PAK1: variants seen among roughly 807,000 people sequenced by gnomAD.
PAK1 encodes the protein p21 (RAC1) activated kinase 1.
In PAK1, 29 loss-of-function variants were observed where a neutral mutation model predicts 67.4. The observed-to-expected ratio is 0.43, with a 90% CI of 0.32 to 0.59. The LOEUF (loss-of-function observed/expected upper bound fraction) is 0.59. PAK1 is among the 20% of genes least tolerant of loss of function. The pLI, the probability that PAK1 is intolerant of heterozygous loss-of-function variation, is 0.07. For missense variants in PAK1, 337 were observed against 670.7 expected (o/e 0.50, Z 5.50); for synonymous variants, 223 against 237.4 (o/e 0.94, Z 0.56).
the PAK1 span, among the ~76,000 whole-genome samples, chr11:77,482,244 T>C: frequency 6.6e-6 from 1 of 151,746 alleles, no homozygotes; most frequent in Non-Finnish European, 1.5e-5. Flanking sequence ...CAGCCTCAGC[T>C]TCCCAAAGTG....
chr11:77,503,418 C>T, the PAK1 span, among the ~76,000 whole-genome samples: 2 of 152,314 alleles, frequency 1.3e-5, no homozygotes, highest in South Asian at 2.1e-4. Flanking sequence ...GGGTTGGTGG[C>T]GGTTCAAGTG....
chr11:77,382,056 T>C (rs1051456050), intron 2 of PAK1, among the ~76,000 whole-genome samples: 1 of 152,202 alleles, frequency 6.6e-6, no homozygotes, highest in Non-Finnish European at 1.5e-5. Flanking sequence ...TCTAGTCACT[T>C]AGGGAAGTAC....
At chr11:77,375,794 C>A (rs1415472204) in intron 4 of PAK1, among the ~76,000 whole-genome samples, 1 of 152,154 alleles carries the variant, frequency 6.6e-6, no homozygotes, top group African/African-American at 2.4e-5. Context: ...CAATTCACCA[C>A]TAATAGAATT....
the PAK1 span, among the ~76,000 whole-genome samples, chr11:77,499,003 T>G: frequency 6.6e-6 from 1 of 152,078 alleles, no homozygotes; most frequent in Non-Finnish European, 1.5e-5. Context: ...CCTGCCAAAT[T>G]TTATTCCCTC....
At chr11:77,367,642 AAG>A (rs1947783914) in intron 5 of PAK1, among the ~76,000 whole-genome samples, 2 of 152,246 alleles carry the variant, frequency 1.3e-5, no homozygotes, top group Admixed American at 1.3e-4. Context: ...ACGCAAGGAA[AAG>A]AGAGAAAATC....
At chr11:77,458,078 AG>A (rs1007120803) in intron 1 of PAK1, among the ~76,000 whole-genome samples, 1 of 152,238 alleles carries the variant, frequency 6.6e-6, no homozygotes, top group African/African-American at 2.4e-5. Flanking sequence ...GCATACATAG[AG>A]GGGATTCTTG....
intron 11 of PAK1, among the ~76,000 whole-genome samples, chr11:77,338,560 C>A (rs1390949390): frequency 4.6e-5 from 7 of 152,030 alleles, no homozygotes; most frequent in Non-Finnish European, 8.8e-5. Context: ...GGCAGTTCCT[C>A]AAAAGTTGAG....
chr11:77,382,736 G>A (rs912051469), intron 2 of PAK1, among the ~76,000 whole-genome samples: 1 of 152,150 alleles, frequency 6.6e-6, no homozygotes, highest in Non-Finnish European at 1.5e-5. Flanking sequence ...GGTGGCTCAC[G>A]TCTGTAATCC....
intron 1 of PAK1, among the ~76,000 whole-genome samples, chr11:77,468,779 A>G (rs1238141865): frequency 6.6e-6 from 1 of 152,194 alleles, no homozygotes; most frequent in Non-Finnish European, 1.5e-5. Context: ...TTAAAAGGCA[A>G]TATGTTATAG....
At chr11:77,454,227 A>G (rs569873742) in intron 1 of PAK1, among the ~76,000 whole-genome samples, 4 of 152,260 alleles carry the variant, frequency 2.6e-5, no homozygotes, top group South Asian at 4.2e-4. Context: ...TATATTCCCT[A>G]TTTTACAGAA....
the PAK1 span, among the ~76,000 whole-genome samples, chr11:77,521,516 C>T: frequency 2.0e-5 from 3 of 151,120 alleles, no homozygotes; most frequent in South Asian, 2.1e-4. Context: ...GCAACAAAAC[C>T]GAAACTCCAC....
chr11:77,455,407 A>G (rs1374774799), intron 1 of PAK1, among the ~76,000 whole-genome samples: 1 of 152,134 alleles, frequency 6.6e-6, no homozygotes, highest in Non-Finnish European at 1.5e-5. Flanking sequence ...AAATTGGATG[A>G]TGGGAGAGAC....
the PAK1 span, among the ~76,000 whole-genome samples, chr11:77,524,275 C>T: frequency 6.6e-6 from 1 of 152,204 alleles, no homozygotes; most frequent in African/African-American, 2.4e-5. Flanking sequence ...CCTTCCCCAG[C>T]TCCATCTCCT....
At chr11:77,396,409 C>T (rs558329211) in intron 1 of PAK1, among the ~76,000 whole-genome samples, 1 of 152,306 alleles carries the variant, frequency 6.6e-6, no homozygotes, top group South Asian at 2.1e-4. Context: ...TTTGTTTACA[C>T]ATTTGCTTTC....
chr11:77,463,893 T>A (rs1281887158), intron 1 of PAK1, among the ~76,000 whole-genome samples: 1 of 152,220 alleles, frequency 6.6e-6, no homozygotes, highest in Non-Finnish European at 1.5e-5. Flanking sequence ...AACTGAAAGA[T>A]ACGGTTAGCC....
the PAK1 span, among the ~76,000 whole-genome samples, chr11:77,506,809 C>G: frequency 8.5e-5 from 13 of 152,168 alleles, no homozygotes; most frequent in Admixed American, 7.9e-4. Context: ...GAGAGAATAA[C>G]AGTGCATTTC....
At chr11:77,393,043 G>A (rs1302307317) in intron 1 of PAK1, among the ~76,000 whole-genome samples, 1 of 151,530 alleles carries the variant, frequency 6.6e-6, no homozygotes, top group Non-Finnish European at 1.5e-5. Flanking sequence ...CAGGAAAGCT[G>A]CTGTTTTTGT....
At chr11:77,495,201 CAGTGG>C in the PAK1 span, among the ~76,000 whole-genome samples, 12,951 of 150,800 alleles carry the variant, frequency 0.086, 1,150 homozygotes, top group African/African-American at 0.21. Context: ...AGGCCAGGTG[CAGTGG>C]CTCACACCTG....
chr11:77,338,710 C>A (rs1259556729), intron 11 of PAK1, among the ~76,000 whole-genome samples: 1 of 152,088 alleles, frequency 6.6e-6, no homozygotes, highest in African/African-American at 2.4e-5. Flanking sequence ...ACAGAAACAA[C>A]CCAAATGTCC....
Sources: allele counts gnomAD v4.1 joint callset (sites outside exome capture counted in the v4.1 genomes callset), GRCh38; gene constraint gnomAD v4.1.1; transcripts MANE v1.5; gene names NCBI Gene and HGNC (gene_info 2026-07-23, HGNC 2026-07-21).